RBBP4: variants seen among roughly 807,000 people sequenced by gnomAD.
RBBP4 encodes RB binding protein 4, chromatin remodeling factor, also known as histone-binding protein RBBP4.
Under a neutral mutation model 57.2 loss-of-function variants are expected in RBBP4, and 3 were observed. That is an observed-to-expected ratio of 0.05 (90% confidence interval 0.02 to 0.14). The LOEUF is 0.14. RBBP4 is among the 10% of genes least tolerant of loss of function. RBBP4 has a pLI of 1.00. For synonymous variants in RBBP4, 151 were observed against 171.5 expected, an observed-to-expected ratio of 0.88 and a Z score of 0.93; for missense variants, 107 against 520.6, an observed-to-expected ratio of 0.21 and a Z score of 7.73.
intron 4 of RBBP4, 31 bp from the exon 5 acceptor site, chr1:32,668,708 G>A: frequency 1.3e-6 from 2 of 1,557,000 alleles, no homozygotes; most frequent in African/African-American, 2.7e-5. Flanking sequence ...CCAGTGGACT[G>A]GGTAGTCTTG....
chr1:32,678,480 G>T (rs973604366), intron 11 of RBBP4, among the ~76,000 whole-genome samples: 1 of 150,844 alleles, frequency 6.6e-6, no homozygotes, highest in East Asian at 1.9e-4. Context: ...GCCTGCCTTG[G>T]CCTCCCAAAA....
At chr1:32,651,395 A>AT in intron 1 of RBBP4, 73 bp downstream of exon 1, 1 of 1,397,882 alleles carries the variant, frequency 7.2e-7, no homozygotes, top group South Asian at 1.6e-5. Flanking sequence ...ATGGCCTAAC[A>AT]GTGAGGGCAG....
At position 32,668,346 on chromosome 1, in the gene RBBP4, T is replaced by A; in HGVS notation, c.432T>A (p.Thr144=). The A allele has an allele frequency of 6.2e-7, 1 of 1,609,724 alleles. No individual in the cohort carries two copies. ...ACCCTTGTATCATCGCAACAAAGAC[T>A]CCTTCCAGTGATGTTCTTGTTTTTG... ...PQNPCIIATK[T]PSSDVLVFDY... is the part of the protein sequence containing the mutation. Residue 144 remains threonine, a synonymous_variant, in exon 4 of 12, where the codon ACT becomes ACA. Transcript: ENST00000373493.
chr1:32,661,819 G>A (rs1241139355), intron 3 of RBBP4, among the ~76,000 whole-genome samples: 3 of 124,388 alleles, frequency 2.4e-5, no homozygotes, highest in Non-Finnish European at 3.4e-5. Flanking sequence ...TTTCACATTC[G>A]TTGTCTGCTT....
rs1274739796 is a variant in RBBP4, at chr1:32,680,140, C to T, written c.*435C>T. On this transcript the variant is annotated 3_prime_UTR_variant, in exon 12 of 12. Transcript: ENST00000373493. ...TCAGGAAATAGGGGGAGATTCAAGTCATATAGATTCCTACTCGAAAATCTT... is the reference window on the plus strand; with the variant it reads ...TCAGGAAATAGGGGGAGATTCAAGTTATATAGATTCCTACTCGAAAATCTT... The T allele has an allele frequency of 7.4e-6, 8 of 1,077,672 alleles. No individual in the cohort carries two copies. The South Asian group carries it at 1.0e-4, about 14-fold the overall frequency. The allele number at this position is 1,077,672 out of a possible 1,614,324, so 66.8% of individuals were successfully genotyped here.
rs1271450532 is a variant in RBBP4, at chr1:32,684,099, G to A, written c.*4394G>A. 1 of 1,448,986 alleles carries A rather than the reference G, an allele frequency of 6.9e-7. No homozygotes were observed. The allele number at this position is 1,448,986 out of a possible 1,614,324, so 89.8% of individuals were successfully genotyped here. A position where few individuals can be genotyped will look rare whatever the true frequency, so the allele number is the denominator to read the frequency against. On this transcript the variant is annotated 3_prime_UTR_variant, in exon 12 of 12. Coordinates refer to ENST00000373493, the MANE Select transcript of RBBP4 (RefSeq NM_005610.3). ...GGGTAGTAGCATAGCCCTTTAAAAA[G>A]AGAGAGCCATTTTCCATGTGTTTTT...
rs1649683564 is a variant in RBBP4 at position 32,684,523 on chromosome 1, G to A, written c.*4818G>A. On this transcript the variant is annotated 3_prime_UTR_variant, in exon 12 of 12. Transcript: ENST00000373493. ...GGCTGGTATTTATATGATAGGTTAT[G>A]AAACAGGTTCAAAGAAGTTGTGTCT... is the stretch of plus-strand genomic sequence containing the variant. The A allele has an allele frequency of 3.2e-6, 4 of 1,251,070 alleles. No individual in the cohort carries two copies. 77.5% of individuals were successfully genotyped at this position (1,251,070 alleles called of 1,614,324 possible).
rs550352142 is a variant in RBBP4, at chr1:32,659,902, T to G, written c.310+2330T>G. Among the ~76,000 whole-genome samples the G allele has an allele frequency of 8.5e-5, 13 of 152,320 alleles. 1 individual carries two copies. The highest frequency in any genetic ancestry group is 4.6e-4 in the Admixed American group (7 of 15,288). On this transcript the variant is annotated intron_variant, in intron 3 of 11. Transcript: ENST00000373493. ...GCATAGTTTTGCTATAGAAATACTT[T>G]CTAAGTAGAATGTTGTATCAAAGGG...
chr1:32,663,566 A>G (rs969699517), intron 3 of RBBP4, among the ~76,000 whole-genome samples: 3 of 137,692 alleles, frequency 2.2e-5, no homozygotes, highest in Non-Finnish European at 4.7e-5. Flanking sequence ...GTGCCACCAC[A>G]GTCAGCCCCT....
chr1:32,671,442 G>A (rs905136113), intron 8 of RBBP4, among the ~76,000 whole-genome samples: 9 of 152,084 alleles, frequency 5.9e-5, no homozygotes, highest in African/African-American at 2.2e-4. Flanking sequence ...AATTAGCCAG[G>A]CATGGTGGTG....
At position 32,669,155 on chromosome 1, in the gene RBBP4, T is replaced by C. The variant is rs771962733; in HGVS notation, c.761+23T>C. The C allele has an allele frequency of 6.2e-7, 1 of 1,612,864 alleles. No individual in the cohort carries two copies. The highest frequency in any genetic ancestry group is 8.5e-7 in the Non-Finnish European group (1 of 1,179,436). ...GATGTGAGTAGAATCCATTCAGAGT[T>C]TCTAAATATCTTGTCTAAGTTTTAT... is the stretch of plus-strand genomic sequence containing the variant. On this transcript the variant is annotated intron_variant, in intron 6 of 11. Transcript: ENST00000373493. This position sits in a 1 kb window ranked among gnomAD's most constrained non-coding sequence, Gnocchi z 4.9.
At position 32,684,286 on chromosome 1, in the gene RBBP4, T is replaced by A; in HGVS notation, c.*4581T>A. The A allele has an allele frequency of 2.5e-6, 4 of 1,614,230 alleles. No individual in the cohort carries two copies. In the South Asian group the frequency reaches 3.3e-5, roughly 13 times the overall value. ...TAAGTAGAGAGCTCTTCAGCAAGAC[T>A]GAGCCTTAGCTGTTCCATCTCTTTG... On this transcript the variant is annotated 3_prime_UTR_variant, in exon 12 of 12. Transcript: ENST00000373493.
intron 1 of RBBP4, chr1:32,651,614 C>A (rs1647674382): frequency 2.3e-6 from 2 of 863,996 alleles, no homozygotes; most frequent in South Asian, 5.1e-5. Flanking sequence ...ACACCGCTTC[C>A]TACCCACAAG....
intron 11 of RBBP4, among the ~76,000 whole-genome samples, chr1:32,673,735 C>T (rs1648974875): frequency 6.6e-6 from 1 of 152,130 alleles, no homozygotes; most frequent in African/African-American, 2.4e-5. Flanking sequence ...CGCGCCTGGC[C>T]TCTTAAATTT....
chr1:32,658,714 T>C (rs982758116), intron 3 of RBBP4, among the ~76,000 whole-genome samples: 2 of 151,648 alleles, frequency 1.3e-5, no homozygotes, highest in African/African-American at 2.4e-5. Context: ...GCCTGGCTAA[T>C]TTTTTGTATT....
At chr1:32,652,123 TTTC>T in intron 2 of RBBP4, 62 bp downstream of exon 2, 12 of 1,528,588 alleles carry the variant, frequency 7.9e-6, no homozygotes, top group Non-Finnish European at 1.1e-5. Context: ...TCATATTGAT[TTTC>T]TTTTTTCCGC....
intron 3 of RBBP4, among the ~76,000 whole-genome samples, chr1:32,660,060 C>T (rs967420574): frequency 1.3e-5 from 2 of 152,178 alleles, no homozygotes; most frequent in Non-Finnish European, 2.9e-5. Flanking sequence ...AGAGTTCATT[C>T]TCAAGTTTAC....
At chr1:32,665,646 C>G (rs566824078) in intron 3 of RBBP4, among the ~76,000 whole-genome samples, 1 of 149,634 alleles carries the variant, frequency 6.7e-6, no homozygotes, top group South Asian at 2.1e-4. Flanking sequence ...CCATTACACT[C>G]CAGTCTGGGT....
intron 2 of RBBP4, among the ~76,000 whole-genome samples, chr1:32,653,637 G>GTTTTTTTTTTTTT (rs1053666893): frequency 2.9e-4 from 6 of 20,776 alleles, no homozygotes; most frequent in Admixed American, 8.8e-4. Flanking sequence ...TTGTTTTCTG[G>GTTTTTTTTTTTTT]TTTTTTTTTT....
Sources: gnomAD v4.1 joint callset for allele counts (sites outside exome capture counted in the v4.1 genomes callset) on GRCh38, gnomAD v4.1.1 for gene constraint, Gnocchi (gnomAD v3.1) non-coding constraint, MANE v1.5 for transcripts, NCBI Gene and HGNC (gene_info 2026-07-23, HGNC 2026-07-21) for gene names.